DHRS7C: variants seen among roughly 807,000 people sequenced by gnomAD.
The protein encoded by DHRS7C is dehydrogenase/reductase 7C.
Under a neutral mutation model 29.6 loss-of-function variants are expected in DHRS7C, and 28 were observed. That is an observed-to-expected ratio of 0.95 (90% CI 0.70 to 1.30). The LOEUF (loss-of-function observed/expected upper bound fraction) is 1.30. Ranked by LOEUF, DHRS7C falls within the 50% of genes most tolerant of loss-of-function variation. DHRS7C has a pLI of 0.00. For missense variants in DHRS7C, 403 were observed against 393.3 expected, an observed-to-expected ratio of 1.02 and a Z score of -0.21; for synonymous variants, 158 against 160.2, an observed-to-expected ratio of 0.99 and a Z score of 0.10.
chr17:9,777,054 T>G, intron 4 of DHRS7C, 139 bp downstream of exon 4: 1 of 667,920 alleles, frequency 1.5e-6, no homozygotes, highest in East Asian at 3.0e-5. Flanking sequence ...ACCATAGGGA[T>G]GAAAGAAAAT....
rs146994463 is a variant in DHRS7C at position 9,788,795 on chromosome 17, G to A, written c.154+2336C>T. ...GCAATGGGAGCCTGGAATCACTGCC[G>A]TCAGCAGCGTGGAGAGCTAGGCATT... On this transcript the variant is annotated intron_variant, in intron 1 of 5. Coordinates refer to ENST00000571134, the MANE Select transcript of DHRS7C (RefSeq NM_001105571.3). 9.6e-4 allele frequency among the ~76,000 whole-genome samples: 146 copies of A among 152,334 alleles called. 1 individual carries two copies. Among genetic ancestry groups the A allele is most frequent in the Non-Finnish European group, 1.3e-3 (90 of 68,026 alleles).
intron 1 of DHRS7C, among the ~76,000 whole-genome samples, chr17:9,786,033 T>C (rs2066421150): frequency 6.6e-6 from 1 of 151,764 alleles, no homozygotes; most frequent in African/African-American, 2.4e-5. Flanking sequence ...AATCTAATAG[T>C]AATCAGAGGC....
rs60999831 is a variant in DHRS7C at position 9,781,159 on chromosome 17, T to TA, written c.267+322dup. Reference sequence around the variant, plus strand: ...TGATGGAGATATCAGTTCAGGTATTTAAAAAAAAATGACTGTGTTTGTAAT... The same window carrying TA: ...TGATGGAGATATCAGTTCAGGTATTTAAAAAAAAAATGACTGTGTTTGTAAT... On this transcript the variant is annotated intron_variant, in intron 2 of 5. Transcript: ENST00000571134. Among the ~76,000 whole-genome samples, 1,421 of 151,304 alleles carry TA rather than the reference T, an allele frequency of 9.4e-3. 21 individuals are homozygous for TA. The highest frequency in any genetic ancestry group is 0.033 in the African/African-American group (1,356 of 41,218).
rs756235330 is a variant in DHRS7C at position 9,781,531 on chromosome 17, C to T, written c.218G>A (p.Arg73Lys). 7.4e-6 allele frequency: 12 copies of T among 1,613,894 alleles called. 1 individual carries two copies. In the African/African-American group the frequency reaches 1.6e-4, roughly 22 times the overall value. The change falls in exon 2 of 6, where the codon AGG becomes AAG. Residue 73 changes from arginine to lysine, a missense_variant. Physicochemically the swap from Arg to Lys is conservative, Grantham distance 26. Transcript: ENST00000571134. ...CAAGGCATCATATAGGTTCTCTAGC[C>T]TCTCCCAGTTCTTTCCACACAGCAC... ...RLVLCGKNWE[R>K]LENLYDALIS...
intron 2 of DHRS7C, among the ~76,000 whole-genome samples, chr17:9,780,904 T>C (rs1422361788): frequency 6.6e-6 from 1 of 152,242 alleles, no homozygotes; most frequent in East Asian, 1.9e-4. Context: ...GCATTCTGTG[T>C]TGTCCTGTTT....
intron 1 of DHRS7C, among the ~76,000 whole-genome samples, chr17:9,788,975 G>A (rs138689710): frequency 3.3e-5 from 5 of 152,300 alleles, no homozygotes; most frequent in East Asian, 3.9e-4. Context: ...ATGAGGTCCT[G>A]CAAAGGCTGT....
chr17:9,776,010 T>C (rs983673245), intron 4 of DHRS7C, among the ~76,000 whole-genome samples: 1 of 152,288 alleles, frequency 6.6e-6, no homozygotes, highest in East Asian at 1.9e-4. Context: ...GAGATCAGCC[T>C]GGCCAATATG....
At position 9,774,907 on chromosome 17, in the gene DHRS7C, G is replaced by A. The variant is rs1419184871; in HGVS notation, c.572-1985C>T. ...ATGGCTTCAGTTCTGACATTTACAT[G>A]GGAAACTCTGTGCCCCTCAATTCCT... is the stretch of plus-strand genomic sequence containing the variant. On this transcript the variant is annotated intron_variant, in intron 4 of 5. Transcript: ENST00000571134. This position sits in a 1 kb window ranked among gnomAD's most constrained non-coding sequence, Gnocchi z 5.0. Among the ~76,000 whole-genome samples the A allele has an allele frequency of 1.3e-5, 2 of 152,158 alleles. No homozygotes were observed. The highest frequency in any genetic ancestry group is 2.4e-5 in the African/African-American group (1 of 41,436).
At chr17:9,790,127 T>A (rs1009735646) in intron 1 of DHRS7C, among the ~76,000 whole-genome samples, 3 of 152,110 alleles carry the variant, frequency 2.0e-5, no homozygotes, top group Non-Finnish European at 4.4e-5. Context: ...TCAGGGAGGT[T>A]ACAAACGTTC....
chr17:9,783,782 A>C (rs1229353018), intron 1 of DHRS7C, among the ~76,000 whole-genome samples: 1 of 152,130 alleles, frequency 6.6e-6, no homozygotes, highest in Non-Finnish European at 1.5e-5. Context: ...CCTGGCCAAC[A>C]TGATGAAACC....
intron 1 of DHRS7C, among the ~76,000 whole-genome samples, chr17:9,790,184 AC>A (rs1389193111): frequency 6.6e-6 from 1 of 152,074 alleles, no homozygotes; most frequent in African/African-American, 2.4e-5. Context: ...CCCCAGAGGG[AC>A]TCTCGGGGCA....
chr17:9,782,562 G>A (rs960024383), intron 1 of DHRS7C, among the ~76,000 whole-genome samples: 1 of 152,178 alleles, frequency 6.6e-6, no homozygotes, highest in Non-Finnish European at 1.5e-5. Context: ...GCCCTCTCTG[G>A]GGGTGCGTGC....
intron 4 of DHRS7C, among the ~76,000 whole-genome samples, chr17:9,776,496 AC>A (rs1389828320): frequency 5.3e-5 from 8 of 151,922 alleles, no homozygotes; most frequent in African/African-American, 1.9e-4. Flanking sequence ...CTTCCCTTCC[AC>A]CCTTGTACCC....
At chr17:9,776,579 C>T (rs968093958) in intron 4 of DHRS7C, among the ~76,000 whole-genome samples, 6 of 152,146 alleles carry the variant, frequency 3.9e-5, no homozygotes, top group Admixed American at 3.9e-4. Flanking sequence ...TGGCACGTTC[C>T]CCACCTCTTA....
At chr17:9,781,658 C>G in intron 1 of DHRS7C, 64 bp from the exon 2 acceptor site, 1 of 1,523,648 alleles carries the variant, frequency 6.6e-7, no homozygotes, top group East Asian at 2.3e-5. Context: ...CAGTGAACCC[C>G]CTCTCTTGGG....
At chr17:9,790,245 A>G (rs1451681243) in intron 1 of DHRS7C, among the ~76,000 whole-genome samples, 1 of 152,164 alleles carries the variant, frequency 6.6e-6, no homozygotes, top group Non-Finnish European at 1.5e-5. Flanking sequence ...TTACTAATGA[A>G]TGTTTGGCTG....
In DHRS7C at chr17:9,791,544, AT is replaced by A. The variant is rs2066455460; in HGVS notation, c.-261del. ...ACAAACTTAATTAAAATGGGTCTGC[AT>A]TTTTGGAAGAAAATCCATGTGTTAA... On this transcript the variant is annotated 5_prime_UTR_variant, in exon 1 of 6. It adds an upstream start codon to the 5' untranslated region. Coordinates refer to ENST00000571134, the MANE Select transcript of DHRS7C (RefSeq NM_001105571.3). Among the ~76,000 whole-genome samples, 1 of 152,244 alleles carries A rather than the reference AT, an allele frequency of 6.6e-6. No homozygotes were observed. The highest frequency in any genetic ancestry group is 1.5e-5 in the Non-Finnish European group (1 of 68,034).
At chr17:9,772,013 T>C (rs2066332150) in intron 5 of DHRS7C, among the ~76,000 whole-genome samples, 1 of 152,168 alleles carries the variant, frequency 6.6e-6, no homozygotes, top group Non-Finnish European at 1.5e-5. Context: ...AAGGGACTGT[T>C]GTTTGTAACT....
intron 1 of DHRS7C, among the ~76,000 whole-genome samples, chr17:9,788,330 C>T (rs776866522): frequency 5.3e-5 from 8 of 152,194 alleles, no homozygotes; most frequent in Non-Finnish European, 8.8e-5. Context: ...CCTCAGCCTC[C>T]CAAGTAGCTG....
Sources: gnomAD v4.1 joint callset for allele counts (sites outside exome capture counted in the v4.1 genomes callset) on GRCh38, gnomAD v4.1.1 for gene constraint, Gnocchi (gnomAD v3.1) non-coding constraint, MANE v1.5 for transcripts, NCBI Gene and HGNC (gene_info 2026-07-23, HGNC 2026-07-21) for gene names.